Variants in FGD5 observed in about 807,000 individuals in gnomAD.
The protein encoded by FGD5 is FYVE, RhoGEF and PH domain containing 5.
FGD5 carries 28 observed loss-of-function variants against 133.4 expected under a neutral mutation model. The ratio of observed to expected loss-of-function variants is 0.21; its 90% CI spans 0.16 to 0.29. The LOEUF (loss-of-function observed/expected upper bound fraction) is 0.29. Ranked by LOEUF, FGD5 falls within the 10% of genes least tolerant of loss-of-function variation. FGD5 has a pLI of 1.00. For synonymous variants in FGD5, 810 were observed against 776.5 expected (o/e 1.04, Z -0.72); for missense variants, 1,858 against 1,895.2 (o/e 0.98, Z 0.36).
intron 2 of FGD5, among the ~76,000 whole-genome samples, chr3:14,868,285 T>C (rs895665796): frequency 6.7e-6 from 1 of 149,728 alleles, no homozygotes; most frequent in African/African-American, 2.5e-5. Flanking sequence ...CTCCCCCACC[T>C]GAGTCTCATG....
At chr3:14,842,528 A>T (rs956842991) in intron 1 of FGD5, among the ~76,000 whole-genome samples, 4 of 152,160 alleles carry the variant, frequency 2.6e-5, no homozygotes, top group Non-Finnish European at 4.4e-5. Context: ...GCCCCTGGCC[A>T]TGCTTTGCAT....
intron 1 of FGD5, among the ~76,000 whole-genome samples, chr3:14,812,109 G>C (rs1286274908): frequency 6.6e-6 from 1 of 152,062 alleles, no homozygotes; most frequent in East Asian, 1.9e-4. Flanking sequence ...TTAGCAGTGA[G>C]GTGCAGGCTG....
intron 1 of FGD5, 44 bp from the exon 2 acceptor site, chr3:14,864,084 C>T (rs763497104): frequency 1.3e-6 from 2 of 1,593,758 alleles, no homozygotes; most frequent in Admixed American, 1.7e-5. Flanking sequence ...TTTGCCTATG[C>T]TAAACAAAAA....
intron 9 of FGD5, 53 bp downstream of exon 9, chr3:14,901,114 C>G: frequency 6.3e-7 from 1 of 1,588,918 alleles, no homozygotes; most frequent in African/African-American, 1.3e-5. Flanking sequence ...AGGCACCTCC[C>G]CACCAGCTCC....
intron 4 of FGD5, chr3:14,896,934 C>T (rs1439943435): frequency 6.6e-6 from 1 of 152,282 alleles, no homozygotes; most frequent in Admixed American, 6.5e-5. Flanking sequence ...GAGCTTTCTC[C>T]TCTGCTCACT....
chr3:14,925,605 G>A (rs1481358848), intron 17 of FGD5, among the ~76,000 whole-genome samples: 1 of 152,136 alleles, frequency 6.6e-6, no homozygotes, highest in Non-Finnish European at 1.5e-5. Context: ...ACAAAGAGTA[G>A]TAATAATAAT....
intron 6 of FGD5, among the ~76,000 whole-genome samples, 166 bp downstream of exon 6, chr3:14,898,261 C>T (rs768106478): frequency 5.3e-5 from 8 of 152,098 alleles, no homozygotes; most frequent in Non-Finnish European, 8.8e-5. Flanking sequence ...GGAGGAGAAC[C>T]CAGAATTCAG....
chr3:14,898,731 G>A lies in FGD5; in HGVS notation c.3067-8G>A. ...GATAAGGTTTTTCCTTCCCTGTCTT[G>A]AGAGCAGCAGAGTGTACAAGGAGGC... On this transcript the variant is annotated splice_polypyrimidine_tract_variant and splice_region_variant and intron_variant, in intron 6 of 19. Coordinates refer to ENST00000285046, the MANE Select transcript of FGD5 (RefSeq NM_152536.4). 1 of 1,575,138 alleles carries A rather than the reference G, an allele frequency of 6.3e-7. No homozygotes were observed. Among genetic ancestry groups the A allele is most frequent in the Non-Finnish European group, 8.6e-7 (1 of 1,160,764 alleles).
intron 13 of FGD5, 63 bp downstream of exon 13, chr3:14,918,896 A>G (rs1036812223): frequency 3.9e-6 from 6 of 1,551,406 alleles, no homozygotes; most frequent in Non-Finnish European, 5.3e-6. Flanking sequence ...AAGGTTCAGA[A>G]CAACAGATAA....
chr3:14,867,210 T>C (rs1261130318), intron 2 of FGD5, among the ~76,000 whole-genome samples: 2 of 152,226 alleles, frequency 1.3e-5, no homozygotes, highest in African/African-American at 2.4e-5. Flanking sequence ...TATTGTTTTG[T>C]GGATTTGTTG....
At chr3:14,878,616 T>G (rs1397802551) in intron 2 of FGD5, among the ~76,000 whole-genome samples, 1 of 152,088 alleles carries the variant, frequency 6.6e-6, no homozygotes. Flanking sequence ...GATACTATTC[T>G]CCTACTGTGC....
At chr3:14,855,715 G>T (rs1348022689) in intron 1 of FGD5, among the ~76,000 whole-genome samples, 2 of 151,150 alleles carry the variant, frequency 1.3e-5, no homozygotes, top group Admixed American at 6.6e-5. Flanking sequence ...TTGGGTTTTT[G>T]TGTGTGTGTG....
chr3:14,911,095 C>T (rs1431744660), intron 11 of FGD5, among the ~76,000 whole-genome samples, 166 bp downstream of exon 11: 1 of 152,142 alleles, frequency 6.6e-6, no homozygotes, highest in Non-Finnish European at 1.5e-5. Flanking sequence ...CCCTTGGACA[C>T]CACGCCCACC....
At chr3:14,851,409 G>C (rs1355577246) in intron 1 of FGD5, among the ~76,000 whole-genome samples, 2 of 152,218 alleles carry the variant, frequency 1.3e-5, no homozygotes, top group East Asian at 3.8e-4. Context: ...CAGACAGTCA[G>C]GTCCCAAAAT....
intron 12 of FGD5, among the ~76,000 whole-genome samples, 166 bp from the exon 13 acceptor site, chr3:14,918,588 A>C (rs548142189): frequency 3.9e-5 from 6 of 152,210 alleles, no homozygotes; most frequent in Non-Finnish European, 7.3e-5. Flanking sequence ...TGGAGCTGGC[A>C]GCCAGGCACC....
intron 1 of FGD5, among the ~76,000 whole-genome samples, chr3:14,852,853 C>A (rs544826542): frequency 1.1e-4 from 16 of 152,292 alleles, no homozygotes; most frequent in African/African-American, 3.6e-4. Flanking sequence ...ACTTCAGACA[C>A]GACGAGGCAC....
intron 1 of FGD5, among the ~76,000 whole-genome samples, chr3:14,844,211 AAAAAAAATAT>A (rs1489985902): frequency 2.4e-5 from 1 of 41,460 alleles, no homozygotes; most frequent in Admixed American, 3.2e-4. Flanking sequence ...CATTAAAAAA[AAAAAAAATAT>A]ATATATATAT....
chr3:14,848,181 G>A (rs2125091464), intron 1 of FGD5, among the ~76,000 whole-genome samples: 1 of 152,282 alleles, frequency 6.6e-6, no homozygotes, highest in South Asian at 2.1e-4. Flanking sequence ...GGGGCTGAGG[G>A]CGGTGCCTCT....
intron 1 of FGD5, among the ~76,000 whole-genome samples, chr3:14,811,789 C>G (rs1421450200): frequency 6.6e-6 from 1 of 152,176 alleles, no homozygotes; most frequent in African/African-American, 2.4e-5. Flanking sequence ...CAGAAAGTTC[C>G]CTTAAGATGA....
Sources: gnomAD v4.1 joint callset for allele counts (sites outside exome capture counted in the v4.1 genomes callset) on GRCh38, gnomAD v4.1.1 for gene constraint, MANE v1.5 for transcripts, NCBI Gene and HGNC (gene_info 2026-07-23, HGNC 2026-07-21) for gene names.